The following TMEM65 variants were observed in gnomAD, a reference collection of about 807,000 sequenced individuals.
TMEM65 encodes transmembrane protein 65.
Under a neutral mutation model 25.4 loss-of-function variants are expected in TMEM65, and 22 were observed. The observed-to-expected ratio is 0.86, with a 90% CI of 0.62 to 1.23. The LOEUF is 1.23. TMEM65 is among the 50% of genes most tolerant of loss of function. The pLI is 0.00. For missense variants in TMEM65, 262 were observed against 308.2 expected, an observed-to-expected ratio of 0.85 and a Z score of 1.12; for synonymous variants, 132 against 126.2, an observed-to-expected ratio of 1.05 and a Z score of -0.31.
At position 124,346,802 on chromosome 8, in the gene TMEM65, T is replaced by C. The variant is rs1020332833; in HGVS notation, c.305-16010A>G. ...CTAATTAGAAAATTTATGAAAATAA[T>C]AGATATTAAACTAGTGAGTTTCAGC... On this transcript the variant is annotated intron_variant, in intron 1 of 6. Transcript: ENST00000297632. 5.9e-5 allele frequency among the ~76,000 whole-genome samples: 9 copies of C among 152,142 alleles called. No homozygotes were observed. The South Asian group carries it at 1.7e-3, about 28-fold the overall frequency.
intron 3 of TMEM65, among the ~76,000 whole-genome samples, chr8:124,324,710 G>T (rs868578477): frequency 6.6e-6 from 1 of 152,032 alleles, no homozygotes; most frequent in African/African-American, 2.4e-5. Context: ...TTGGTTGAAT[G>T]TAACACAGCT....
chr8:124,338,714 A>G (rs1045695411), intron 1 of TMEM65, among the ~76,000 whole-genome samples: 1 of 152,172 alleles, frequency 6.6e-6, no homozygotes, highest in African/African-American at 2.4e-5. Flanking sequence ...ACTTCTTTAT[A>G]AAAAACCTTC....
chr8:124,319,289 T>G (rs1055296848), intron 6 of TMEM65, among the ~76,000 whole-genome samples: 26 of 152,216 alleles, frequency 1.7e-4, no homozygotes, highest in Admixed American at 1.6e-3. Context: ...TTATTCCTCC[T>G]CCTTTTTTTC....
chr8:124,330,966 A>G (rs535297136), intron 1 of TMEM65, among the ~76,000 whole-genome samples, 174 bp from the exon 2 acceptor site: 1 of 152,146 alleles, frequency 6.6e-6, no homozygotes, highest in Admixed American at 6.6e-5. Context: ...ATTAATCAGT[A>G]TGGATTAAAT....
chr8:124,338,930 C>T (rs985671435), intron 1 of TMEM65, among the ~76,000 whole-genome samples: 7 of 152,080 alleles, frequency 4.6e-5, no homozygotes, highest in Admixed American at 4.6e-4. Context: ...GTGGCTCACG[C>T]CTGTAATCCC....
chr8:124,359,445 T>C (rs1814831498), intron 1 of TMEM65, among the ~76,000 whole-genome samples: 1 of 152,200 alleles, frequency 6.6e-6, no homozygotes. Flanking sequence ...GATTTCAACA[T>C]TTTTACTGCC....
At chr8:124,325,865 T>C (rs927564080) in intron 3 of TMEM65, among the ~76,000 whole-genome samples, 5 of 152,096 alleles carry the variant, frequency 3.3e-5, no homozygotes, top group African/African-American at 1.2e-4. Context: ...CATGTTTACA[T>C]AAATTTTATA....
chr8:124,330,034 G>T (rs747302471), intron 2 of TMEM65, among the ~76,000 whole-genome samples: 1 of 151,830 alleles, frequency 6.6e-6, no homozygotes, highest in African/African-American at 2.4e-5. Flanking sequence ...TTGCTCTCTA[G>T]TATATAATGA....
intron 1 of TMEM65, among the ~76,000 whole-genome samples, chr8:124,358,545 G>C (rs1171584428): frequency 6.6e-6 from 1 of 152,116 alleles, no homozygotes; most frequent in African/African-American, 2.4e-5. Flanking sequence ...TTCAAATAAG[G>C]CATATGTCAA....
intron 6 of TMEM65, among the ~76,000 whole-genome samples, chr8:124,315,520 A>T (rs1586454394): frequency 6.6e-6 from 1 of 151,818 alleles, no homozygotes; most frequent in South Asian, 2.1e-4. Flanking sequence ...CCGGGGTTTC[A>T]CTGTATTAGC....
Position 124,372,216 on chromosome 8 carries a change from T to A in TMEM65, c.-59A>T. 8.2e-7 allele frequency: 1 copy of A among 1,222,762 alleles called. No homozygotes were observed. Among genetic ancestry groups the A allele is most frequent in the Non-Finnish European group, 1.0e-6 (1 of 973,366 alleles). 75.7% of individuals were successfully genotyped at this position (1,222,762 alleles called of 1,614,324 possible). A position where few individuals can be genotyped will look rare whatever the true frequency, so the allele number is the denominator to read the frequency against. Reference sequence around the variant, plus strand: ...CCGGCAAGGCGGTTTCTGGCGCGGCTGAGGCGAGAAGGAGCTGGGCTCAGC... The same window carrying A: ...CCGGCAAGGCGGTTTCTGGCGCGGCAGAGGCGAGAAGGAGCTGGGCTCAGC... On this transcript the variant is annotated 5_prime_UTR_variant, in exon 1 of 7. Transcript: ENST00000297632.
chr8:124,334,558 G>A (rs954158229), intron 1 of TMEM65, among the ~76,000 whole-genome samples: 1 of 151,866 alleles, frequency 6.6e-6, no homozygotes, highest in Non-Finnish European at 1.5e-5. Context: ...AAGGTCAGGA[G>A]TTTGAGACCA....
At chr8:124,352,785 C>G (rs1814728607) in intron 1 of TMEM65, among the ~76,000 whole-genome samples, 1 of 152,006 alleles carries the variant, frequency 6.6e-6, no homozygotes, top group African/African-American at 2.4e-5. Context: ...AGAGCTCAAG[C>G]AGTGTGAGGT....
At chr8:124,314,736 T>G (rs1347381209) in intron 6 of TMEM65, among the ~76,000 whole-genome samples, 1 of 152,196 alleles carries the variant, frequency 6.6e-6, no homozygotes, top group African/African-American at 2.4e-5. Flanking sequence ...ATCTTCCTGA[T>G]CTCTTCCCGA....
chr8:124,330,542 AT>A (rs1377599629), intron 2 of TMEM65, among the ~76,000 whole-genome samples: 17 of 151,974 alleles, frequency 1.1e-4, no homozygotes, highest in African/African-American at 3.4e-4. Flanking sequence ...AATATTAGAT[AT>A]TTTTAACAAT....
chr8:124,350,215 A>G (rs1335067326), intron 1 of TMEM65, among the ~76,000 whole-genome samples: 2 of 151,282 alleles, frequency 1.3e-5, no homozygotes, highest in Non-Finnish European at 2.9e-5. Context: ...AGTTTTTGCT[A>G]TTTTTGCCTG....
At chr8:124,347,307 T>G (rs2131216867) in intron 1 of TMEM65, among the ~76,000 whole-genome samples, 1 of 152,354 alleles carries the variant, frequency 6.6e-6, no homozygotes, top group Admixed American at 6.5e-5. Context: ...TAAAGGCATT[T>G]GAGCGTAATC....
chr8:124,315,066 G>A (rs1308798852), intron 6 of TMEM65, among the ~76,000 whole-genome samples: 1 of 152,002 alleles, frequency 6.6e-6, no homozygotes, highest in Non-Finnish European at 1.5e-5. Context: ...TTTCAATTAA[G>A]TTTCATTTCC....
At chr8:124,370,419 A>G (rs1303503198) in intron 1 of TMEM65, among the ~76,000 whole-genome samples, 1 of 152,214 alleles carries the variant, frequency 6.6e-6, no homozygotes, top group Non-Finnish European at 1.5e-5. Context: ...TTTTCCAAGG[A>G]GCATATTTTC....
Sources: allele counts gnomAD v4.1 joint callset (sites outside exome capture counted in the v4.1 genomes callset), GRCh38; gene constraint gnomAD v4.1.1; transcripts MANE v1.5; gene names NCBI Gene and HGNC (gene_info 2026-07-23, HGNC 2026-07-21).